Variants in DPY19L3 observed in about 807,000 individuals in gnomAD.
DPY19L3 encodes the protein protein C-mannosyl-transferase DPY19L3.
A neutral mutation model predicts 92.3 loss-of-function variants in DPY19L3; 51 were observed. The observed-to-expected ratio is 0.55, with a 90% CI of 0.44 to 0.70. The LOEUF is 0.70. DPY19L3 is among the 30% of genes least tolerant of loss of function. The pLI, the probability that DPY19L3 is intolerant of heterozygous loss-of-function variation, is 0.00. For missense variants in DPY19L3, 706 were observed against 855.9 expected, an observed-to-expected ratio of 0.82 and a Z score of 2.18; for synonymous variants, 309 against 315.2, an observed-to-expected ratio of 0.98 and a Z score of 0.21.
chr19:32,424,858 ACT>A (rs1178002311), intron 3 of DPY19L3, among the ~76,000 whole-genome samples: 3 of 152,316 alleles, frequency 2.0e-5, no homozygotes, highest in African/African-American at 4.8e-5. Flanking sequence ...AGTAATCAAG[ACT>A]CTGATGCTGG....
intron 15 of DPY19L3, among the ~76,000 whole-genome samples, chr19:32,465,254 T>A (rs1970166193): frequency 6.6e-6 from 1 of 152,250 alleles, no homozygotes; most frequent in African/African-American, 2.4e-5. Flanking sequence ...AAATCTGTTC[T>A]TCAGTATCAA....
At chr19:32,444,994 G>A (rs1969439793) in intron 8 of DPY19L3, among the ~76,000 whole-genome samples, 1 of 149,150 alleles carries the variant, frequency 6.7e-6, no homozygotes, top group Non-Finnish European at 1.5e-5. Flanking sequence ...TTGGGAGGCT[G>A]AAGTGGGAGA....
At chr19:32,418,071 G>A (rs1398585701) in intron 3 of DPY19L3, among the ~76,000 whole-genome samples, 2 of 152,160 alleles carry the variant, frequency 1.3e-5, no homozygotes, top group African/African-American at 4.8e-5. Flanking sequence ...TGTTTCAGGA[G>A]CGTGTAAAAT....
intron 12 of DPY19L3, among the ~76,000 whole-genome samples, chr19:32,459,740 C>G (rs1274380710): frequency 1.2e-4 from 18 of 152,080 alleles, no homozygotes; most frequent in Admixed American, 1.2e-3. Context: ...TCTCTGGAGG[C>G]TGATTGGGTA....
At chr19:32,482,058 T>C (rs1047998507) in intron 18 of DPY19L3, 21 bp from the exon 19 acceptor site, 2 of 1,604,160 alleles carry the variant, frequency 1.2e-6, no homozygotes, top group Admixed American at 1.7e-5. Context: ...CAAATTGTAT[T>C]TGGGTTTGTT....
chr19:32,439,515 G>T (rs980131434), intron 7 of DPY19L3, among the ~76,000 whole-genome samples: 8 of 152,136 alleles, frequency 5.3e-5, no homozygotes, highest in Admixed American at 5.2e-4. Flanking sequence ...GAATTTTTAA[G>T]CCCTTGCTCT....
intron 1 of DPY19L3, among the ~76,000 whole-genome samples, chr19:32,406,872 G>C (rs1349265516): frequency 6.6e-6 from 1 of 152,144 alleles, no homozygotes; most frequent in Non-Finnish European, 1.5e-5. Context: ...GAGGACTCTA[G>C]GATGAGGTCA....
rs1026260222 is a variant in DPY19L3 at position 32,483,819 on chromosome 19, C to T, written c.*1579C>T. 1.3e-5 allele frequency: 2 copies of T among 152,512 alleles called. No individual in the cohort carries two copies. The highest frequency in any genetic ancestry group is 2.4e-5 in the African/African-American group (1 of 41,412). 9.4% of individuals were successfully genotyped at this position (152,512 alleles called of 1,614,324 possible). A position where few individuals can be genotyped will look rare whatever the true frequency, so the allele number is the denominator to read the frequency against. On this transcript the variant is annotated 3_prime_UTR_variant, in exon 19 of 19. Transcript: ENST00000392250. Reference sequence around the variant, plus strand: ...CGTTTAGGATAATACAATAATAAAACGTTTTAATCAGTACTAAAACTTTAA... The same window carrying T: ...CGTTTAGGATAATACAATAATAAAATGTTTTAATCAGTACTAAAACTTTAA...
At chr19:32,425,476 G>A (rs938713878) in intron 3 of DPY19L3, among the ~76,000 whole-genome samples, 2 of 152,152 alleles carry the variant, frequency 1.3e-5, no homozygotes, top group Non-Finnish European at 1.5e-5. Flanking sequence ...ACTTGAACCC[G>A]GGAGGCAGAG....
intron 3 of DPY19L3, among the ~76,000 whole-genome samples, chr19:32,413,874 C>T (rs539368607): frequency 2.0e-5 from 3 of 152,124 alleles, no homozygotes; most frequent in East Asian, 3.9e-4. Context: ...CACAGGTGCA[C>T]GTCACTGTTC....
At chr19:32,406,042 C>A (rs1967930334) in intron 1 of DPY19L3, 133 bp downstream of exon 1, 1 of 151,096 alleles carries the variant, frequency 6.6e-6, no homozygotes, top group African/African-American at 2.4e-5. Context: ...TCGGGGGGCG[C>A]GGCCGCGGCG....
At chr19:32,464,081 C>T (rs375850383) in intron 14 of DPY19L3, 101 bp downstream of exon 14, 131 of 580,474 alleles carry the variant, frequency 2.3e-4, no homozygotes, top group East Asian at 1.8e-3. Flanking sequence ...AAAATGGATA[C>T]TGAAATTGAA....
intron 4 of DPY19L3, among the ~76,000 whole-genome samples, chr19:32,435,121 G>A (rs929430526): frequency 6.6e-6 from 1 of 152,182 alleles, no homozygotes; most frequent in Non-Finnish European, 1.5e-5. Flanking sequence ...ATGCCCTTTT[G>A]TTGCTGTGTC....
Position 32,432,713 on chromosome 19 carries a change from T to C in DPY19L3, c.238-3T>C, listed in dbSNP as rs766754112. The C allele has an allele frequency of 1.9e-6, 3 of 1,613,606 alleles. No individual in the cohort carries two copies. In the South Asian group the frequency reaches 3.3e-5, roughly 18 times the overall value. On this transcript the variant is annotated splice_region_variant and splice_polypyrimidine_tract_variant and intron_variant, in intron 3 of 18. Coordinates refer to ENST00000392250, the MANE Select transcript of DPY19L3 (RefSeq NM_001172774.2). ...AAACCCATAGGATCTAACTCTGTTT[T>C]AGGAAGTGGAGCGAGAAATCTCATT...
intron 8 of DPY19L3, among the ~76,000 whole-genome samples, chr19:32,451,473 C>T (rs1363545629): frequency 6.6e-6 from 1 of 152,162 alleles, no homozygotes; most frequent in Non-Finnish European, 1.5e-5. Context: ...TTCCCATTGA[C>T]ACTAAGCAAA....
chr19:32,472,076 TTTTCTC>T (rs1418645085), intron 16 of DPY19L3, among the ~76,000 whole-genome samples: 2 of 152,174 alleles, frequency 1.3e-5, no homozygotes, highest in African/African-American at 4.8e-5. Context: ...GCCCTCATTC[TTTTCTC>T]CCGAATTCTC....
intron 3 of DPY19L3, among the ~76,000 whole-genome samples, chr19:32,419,696 A>C (rs1003181544): frequency 6.6e-6 from 1 of 152,120 alleles, no homozygotes; most frequent in African/African-American, 2.4e-5. Context: ...GGCCTCCCAA[A>C]GTTCTGGGAT....
intron 8 of DPY19L3, among the ~76,000 whole-genome samples, chr19:32,447,135 TA>T (rs770655264): frequency 2.0e-5 from 3 of 152,132 alleles, no homozygotes; most frequent in Non-Finnish European, 4.4e-5. Flanking sequence ...ACTTTAAAAA[TA>T]TATAAAGATA....
intron 3 of DPY19L3, among the ~76,000 whole-genome samples, chr19:32,423,300 G>A (rs946113091): frequency 7.2e-5 from 11 of 152,004 alleles, no homozygotes; most frequent in South Asian, 2.1e-4. Flanking sequence ...ATGAAGTGGC[G>A]TGATCTTGGC....
Sources: allele counts gnomAD v4.1 joint callset (sites outside exome capture counted in the v4.1 genomes callset), GRCh38; gene constraint gnomAD v4.1.1; transcripts MANE v1.5; gene names NCBI Gene and HGNC (gene_info 2026-07-23, HGNC 2026-07-21).